Variants in SEMA6D observed in about 807,000 individuals in gnomAD.
SEMA6D encodes semaphorin 6D, also known as semaphorin-6D.
In SEMA6D, 35 loss-of-function variants were observed where a neutral mutation model predicts 106.6. The observed-to-expected ratio is 0.33, with a 90% CI of 0.25 to 0.44. The LOEUF (loss-of-function observed/expected upper bound fraction) is 0.44, where lower values mean the gene tolerates loss of function less well. Among genes scored for constraint, SEMA6D ranks in the 20% least tolerant of loss-of-function variants. SEMA6D has a pLI of 1.00. For synonymous variants in SEMA6D, 499 were observed against 487.7 expected (o/e 1.02, Z -0.31); for missense variants, 1,185 against 1,345.9 (o/e 0.88, Z 1.87).
chr15:47,567,013 G>C (rs1223863270), intron 3 of SEMA6D, among the ~76,000 whole-genome samples: 2 of 152,200 alleles, frequency 1.3e-5, no homozygotes, highest in Non-Finnish European at 2.9e-5. Flanking sequence ...TCAAAAAGAG[G>C]TCATTTTTGG....
intron 4 of SEMA6D, among the ~76,000 whole-genome samples, chr15:47,693,238 C>T (rs995521281): frequency 1.3e-5 from 2 of 152,026 alleles, no homozygotes; most frequent in South Asian, 2.1e-4. Flanking sequence ...AGGGAGGAGA[C>T]CACCATCTAC....
At chr15:47,752,728 G>T (rs1301684929) in intron 1 of SEMA6D, among the ~76,000 whole-genome samples, 1 of 151,364 alleles carries the variant, frequency 6.6e-6, no homozygotes, top group Non-Finnish European at 1.5e-5. Context: ...TTAAATTGGG[G>T]CTGGGCACAG....
At position 47,766,192 on chromosome 15, in the gene SEMA6D, C is replaced by CT; in HGVS notation, c.1646+13dup. The CT allele has an allele frequency of 1.2e-6, 2 of 1,609,862 alleles. No homozygotes were observed. The highest frequency in any genetic ancestry group is 2.2e-5 in the South Asian group (2 of 90,868). ...TGACCCCAGGGATGCTGTAAGTATA[C>CT]TTTGTCACATGAGCTAGGATGAACT... On this transcript the variant is annotated intron_variant, in intron 15 of 18. Coordinates refer to ENST00000536845, the MANE Select transcript of SEMA6D (RefSeq NM_001358351.3).
intron 1 of SEMA6D, among the ~76,000 whole-genome samples, chr15:47,268,303 T>A (rs2034412906): frequency 6.6e-6 from 1 of 152,214 alleles, no homozygotes; most frequent in Non-Finnish European, 1.5e-5. Context: ...TTCCATTTAC[T>A]GCTAATATTA....
intron 1 of SEMA6D, among the ~76,000 whole-genome samples, chr15:47,347,221 A>G (rs1334668186): frequency 1.3e-5 from 2 of 152,230 alleles, no homozygotes; most frequent in East Asian, 1.9e-4. Flanking sequence ...TTTTCTTAAC[A>G]TAGTCTAAGG....
Position 47,771,417 on chromosome 15 carries a change from G to A in SEMA6D, c.2854G>A (p.Gly952Arg). 6.2e-7 allele frequency: 1 copy of A among 1,614,052 alleles called. No individual in the cohort carries two copies. Among genetic ancestry groups the A allele is most frequent in the Non-Finnish European group, 8.5e-7 (1 of 1,179,992 alleles). ...TKRVDVPTTP[G>R]VPMTSLERQR... Reference sequence around the variant, plus strand: ...GCGAGTGGATGTCCCCACCACTCCTGGAGTCCCAATGACTTCTCTGGAAAG... The same window carrying A: ...GCGAGTGGATGTCCCCACCACTCCTAGAGTCCCAATGACTTCTCTGGAAAG... The change falls in exon 19 of 19, where the codon GGA (glycine) becomes AGA (arginine). Residue 952 changes from glycine (G) to arginine (R), a missense_variant. Around this residue, in one of 3 missense-constraint regions of SEMA6D, gnomAD observed 750 missense variants for 783.5 expected, o/e 0.96. Transcript: ENST00000536845.
chr15:47,747,263 G>T (rs2081196655), intron 1 of SEMA6D, among the ~76,000 whole-genome samples: 1 of 152,136 alleles, frequency 6.6e-6, no homozygotes, highest in Non-Finnish European at 1.5e-5. Context: ...ATTGTTGCTA[G>T]AATTATGGTC....
intron 1 of SEMA6D, among the ~76,000 whole-genome samples, chr15:47,230,521 A>T (rs996700384): frequency 2.0e-5 from 3 of 152,002 alleles, no homozygotes; most frequent in African/African-American, 7.2e-5. Context: ...CACAAGTGGT[A>T]GGTGCCCTAT....
chr15:47,361,466 G>C (rs930648480), intron 1 of SEMA6D, among the ~76,000 whole-genome samples: 1 of 152,160 alleles, frequency 6.6e-6, no homozygotes, highest in East Asian at 1.9e-4. Context: ...TATACTTCAT[G>C]GGCTTCTATT....
intron 4 of SEMA6D, among the ~76,000 whole-genome samples, chr15:47,680,214 G>C (rs1009487998): frequency 1.3e-5 from 2 of 152,042 alleles, no homozygotes; most frequent in African/African-American, 2.4e-5. Flanking sequence ...GCAGCTCCTA[G>C]CATATCACAT....
chr15:47,676,143 T>C (rs1480935186), intron 4 of SEMA6D, among the ~76,000 whole-genome samples: 2 of 152,250 alleles, frequency 1.3e-5, no homozygotes, highest in East Asian at 3.8e-4. Flanking sequence ...CTCTTGCTAA[T>C]CTCTAGGTTT....
intron 1 of SEMA6D, among the ~76,000 whole-genome samples, chr15:47,364,508 T>A (rs2038937641): frequency 6.6e-6 from 1 of 152,186 alleles, no homozygotes; most frequent in Non-Finnish European, 1.5e-5. Context: ...AGCAGCATAA[T>A]TACCATTATT....
At chr15:47,575,291 G>T (rs1427904577) in intron 3 of SEMA6D, among the ~76,000 whole-genome samples, 2 of 152,182 alleles carry the variant, frequency 1.3e-5, no homozygotes, top group African/African-American at 4.8e-5. Flanking sequence ...ATTCTAAAGT[G>T]GTTAGGCAGG....
chr15:47,421,778 G>A lies in SEMA6D; in HGVS notation c.-159+9306G>A, dbSNP rs1595955080. Among the ~76,000 whole-genome samples, 3 of 152,116 alleles carry A rather than the reference G, an allele frequency of 2.0e-5. No homozygotes were observed. In the South Asian group the frequency reaches 6.2e-4, roughly 32 times the overall value. ...TTTATGAGGTTGAAGGGAAAGATGA[G>A]ATGATGGGAACCTGAGTGTCAGTTG... On this transcript the variant is annotated intron_variant, in intron 2 of 19. Transcript: ENST00000558014.
intron 1 of SEMA6D, among the ~76,000 whole-genome samples, chr15:47,295,693 G>A (rs1051781717): frequency 1.2e-4 from 18 of 152,222 alleles, no homozygotes; most frequent in Non-Finnish European, 1.9e-4. Context: ...TTCAATGTTA[G>A]AATTAAGCAC....
At chr15:47,277,609 A>ATTATTAAT (rs374326382) in intron 1 of SEMA6D, among the ~76,000 whole-genome samples, 1 of 128,600 alleles carries the variant, frequency 7.8e-6, no homozygotes, top group Non-Finnish European at 1.7e-5. Context: ...TATTATTATT[A>ATTATTAAT]TTATTTATTA....
intron 3 of SEMA6D, among the ~76,000 whole-genome samples, chr15:47,503,017 A>T (rs1009313705): frequency 1.3e-5 from 2 of 152,162 alleles, no homozygotes; most frequent in Admixed American, 6.6e-5. Context: ...AAGTGACAAT[A>T]TTTTTTGCCT....
intron 1 of SEMA6D, among the ~76,000 whole-genome samples, chr15:47,254,533 T>C (rs2033696149): frequency 6.6e-6 from 1 of 151,940 alleles, no homozygotes; most frequent in African/African-American, 2.4e-5. Context: ...GCTAAAAGCT[T>C]TTGATATTAG....
At chr15:47,497,435 T>C (rs1043311776) in intron 3 of SEMA6D, among the ~76,000 whole-genome samples, 5 of 152,122 alleles carry the variant, frequency 3.3e-5, no homozygotes, top group Non-Finnish European at 5.9e-5. Flanking sequence ...TCATCTTTTC[T>C]ATTAAGTAAT....
Sources: gnomAD v4.1 joint callset for allele counts (sites outside exome capture counted in the v4.1 genomes callset) on GRCh38, gnomAD v4.1.1 for gene constraint, gnomAD v4.1.1 regional missense constraint, MANE v1.5 for transcripts, NCBI Gene and HGNC (gene_info 2026-07-23, HGNC 2026-07-21) for gene names.